The following KCNT2 variants were observed in gnomAD, a reference collection of about 807,000 sequenced individuals.
The protein encoded by KCNT2 is potassium channel subfamily T member 2.
A neutral mutation model predicts 153.8 loss-of-function variants in KCNT2; 67 were observed. The ratio of observed to expected loss-of-function variants is 0.44; its 90% CI spans 0.36 to 0.53. The LOEUF (loss-of-function observed/expected upper bound fraction) is 0.53, where lower values mean the gene tolerates loss of function less well. KCNT2 is among the 20% of genes least tolerant of loss of function. KCNT2 has a pLI of 0.00. For synonymous variants in KCNT2, 500 were observed against 458.8 expected (o/e 1.09, Z -1.15); for missense variants, 975 against 1,354.8 (o/e 0.72, Z 4.40).
intron 14 of KCNT2, among the ~76,000 whole-genome samples, chr1:196,367,382 T>C (rs1420849742): frequency 6.6e-6 from 1 of 152,176 alleles, no homozygotes; most frequent in East Asian, 1.9e-4. Flanking sequence ...CAGTTATTTG[T>C]ATGATTCAAT....
intron 1 of KCNT2, among the ~76,000 whole-genome samples, chr1:196,587,238 T>C (rs1464644689): frequency 6.6e-6 from 1 of 152,074 alleles, no homozygotes; most frequent in Non-Finnish European, 1.5e-5. Context: ...TACCTAGCAC[T>C]GAGCTAAGGA....
At chr1:196,469,106 T>G (rs1470044585) in intron 5 of KCNT2, 38 bp from the exon 6 acceptor site, 1 of 1,189,034 alleles carries the variant, frequency 8.4e-7, no homozygotes, top group Non-Finnish European at 1.2e-6. Context: ...AAGTCAATTA[T>G]ACTGCCTCCT....
At chr1:196,453,425 C>T (rs1676392187) in intron 8 of KCNT2, among the ~76,000 whole-genome samples, 1 of 151,942 alleles carries the variant, frequency 6.6e-6, no homozygotes, top group East Asian at 1.9e-4. Context: ...CATCATTTTA[C>T]TTTAATTCCT....
At chr1:196,262,633 A>T (rs1047850735) in intron 25 of KCNT2, among the ~76,000 whole-genome samples, 2 of 151,382 alleles carry the variant, frequency 1.3e-5, no homozygotes, top group Non-Finnish European at 3.0e-5. Context: ...ATTTTTATTT[A>T]AAAAAAAATC....
chr1:196,262,010 C>G (rs1372677298), intron 25 of KCNT2, among the ~76,000 whole-genome samples: 1 of 151,756 alleles, frequency 6.6e-6, no homozygotes, highest in Non-Finnish European at 1.5e-5. Flanking sequence ...AGTTATATTA[C>G]TTCCTAAATA....
intron 22 of KCNT2, among the ~76,000 whole-genome samples, chr1:196,296,068 A>G (rs1660651722): frequency 6.6e-6 from 1 of 152,036 alleles, no homozygotes; most frequent in Non-Finnish European, 1.5e-5. Flanking sequence ...ACATGAGCAT[A>G]TGATGAATTG....
chr1:196,447,797 G>GA (rs1675824293), intron 8 of KCNT2, among the ~76,000 whole-genome samples: 1 of 137,832 alleles, frequency 7.3e-6, no homozygotes, highest in Admixed American at 7.6e-5. Flanking sequence ...AATTAACAAC[G>GA]TTTTTTTGGA....
At chr1:196,455,969 G>A (rs1019457933) in intron 8 of KCNT2, among the ~76,000 whole-genome samples, 4 of 152,004 alleles carry the variant, frequency 2.6e-5, no homozygotes, top group Admixed American at 2.0e-4. Flanking sequence ...CACTCCAGCC[G>A]ATGTCCACCT....
intron 1 of KCNT2, among the ~76,000 whole-genome samples, chr1:196,603,897 TG>T (rs1413036213): frequency 3.9e-5 from 6 of 152,258 alleles, no homozygotes; most frequent in Non-Finnish European, 8.8e-5. Context: ...CTTGTATAAC[TG>T]GCTGATGACT....
intron 1 of KCNT2, among the ~76,000 whole-genome samples, chr1:196,524,670 AG>A (rs1653941853): frequency 6.6e-6 from 1 of 152,200 alleles, no homozygotes; most frequent in African/African-American, 2.4e-5. Flanking sequence ...TTTTGTGTTA[AG>A]GAAAATCTTC....
intron 8 of KCNT2, among the ~76,000 whole-genome samples, chr1:196,438,474 A>T (rs1379804540): frequency 1.3e-5 from 2 of 151,860 alleles, no homozygotes; most frequent in East Asian, 3.9e-4. Flanking sequence ...ATGGGCGATC[A>T]TAGAAGGCTC....
chr1:196,447,975 A>G (rs115406488), intron 8 of KCNT2, among the ~76,000 whole-genome samples: 1 of 151,416 alleles, frequency 6.6e-6, no homozygotes, highest in Admixed American at 6.6e-5. Flanking sequence ...AGTTAAATGA[A>G]AGTGTAAATT....
At chr1:196,319,881 T>C (rs577270875) in intron 19 of KCNT2, among the ~76,000 whole-genome samples, 2 of 151,866 alleles carry the variant, frequency 1.3e-5, no homozygotes, top group East Asian at 3.9e-4. Flanking sequence ...AAGTTATCCA[T>C]GCACAGGAGG....
At chr1:196,541,775 C>A (rs1039897885) in intron 1 of KCNT2, among the ~76,000 whole-genome samples, 3 of 151,928 alleles carry the variant, frequency 2.0e-5, no homozygotes, top group African/African-American at 7.2e-5. Context: ...GATAATAATT[C>A]TATACTATTA....
intron 1 of KCNT2, among the ~76,000 whole-genome samples, chr1:196,570,702 C>T (rs190576733): frequency 6.6e-6 from 1 of 152,112 alleles, no homozygotes; most frequent in East Asian, 1.9e-4. Context: ...AATGGGGATG[C>T]CTAGGATTCT....
At chr1:196,534,865 A>G (rs1655364485) in intron 1 of KCNT2, among the ~76,000 whole-genome samples, 1 of 152,208 alleles carries the variant, frequency 6.6e-6, no homozygotes, top group Admixed American at 6.5e-5. Flanking sequence ...AAACAGAAGA[A>G]TTCTCAGCAT....
intron 1 of KCNT2, among the ~76,000 whole-genome samples, chr1:196,559,308 C>G (rs374049890): frequency 4.0e-5 from 6 of 151,628 alleles, no homozygotes; most frequent in Admixed American, 6.6e-5. Context: ...TCCCATGTTA[C>G]AATGGGATAC....
intron 7 of KCNT2, among the ~76,000 whole-genome samples, chr1:196,466,229 A>C (rs1677604343): frequency 6.6e-6 from 1 of 152,026 alleles, no homozygotes; most frequent in African/African-American, 2.4e-5. Flanking sequence ...ATTAACAAAT[A>C]AGTTTATTTT....
intron 17 of KCNT2, among the ~76,000 whole-genome samples, chr1:196,332,782 C>G (rs61820887): frequency 6.8e-6 from 1 of 147,350 alleles, no homozygotes; most frequent in Non-Finnish European, 1.5e-5. Context: ...AAATTATTGG[C>G]TAGTTTTTTT....
Sources: gnomAD v4.1 joint callset for allele counts (sites outside exome capture counted in the v4.1 genomes callset) on GRCh38, gnomAD v4.1.1 for gene constraint, MANE v1.5 for transcripts, NCBI Gene and HGNC (gene_info 2026-07-23, HGNC 2026-07-21) for gene names.